The following TEAD4 variants were observed in gnomAD, a reference collection of about 807,000 sequenced individuals.
The protein encoded by TEAD4 is transcriptional enhancer factor TEF-3.
In TEAD4, 36 loss-of-function variants were observed where a neutral mutation model predicts 52.4. The ratio of observed to expected loss-of-function variants is 0.69; its 90% CI spans 0.53 to 0.91. TEAD4 has a LOEUF of 0.91. Among genes scored for constraint, TEAD4 ranks in the 40% least tolerant of loss-of-function variants. The pLI is 0.00. For synonymous variants in TEAD4, 220 were observed against 231.0 expected (o/e 0.95, Z 0.43); for missense variants, 508 against 583.9 (o/e 0.87, Z 1.34).
intron 10 of TEAD4, among the ~76,000 whole-genome samples, chr12:3,037,611 G>T (rs1412549355): frequency 1.3e-5 from 2 of 152,196 alleles, no homozygotes; most frequent in Non-Finnish European, 2.9e-5. Flanking sequence ...GACTGGTAGA[G>T]ATTCAAACCT....
At chr12:2,975,635 A>C (rs1468601697) in intron 2 of TEAD4, among the ~76,000 whole-genome samples, 2 of 151,860 alleles carry the variant, frequency 1.3e-5, no homozygotes, top group Non-Finnish European at 2.9e-5. Flanking sequence ...TGATCTGCCC[A>C]CCTCGGCCTC....
At chr12:2,964,624 ATTTTT>A (rs71057872) in intron 2 of TEAD4, among the ~76,000 whole-genome samples, 1 of 125,430 alleles carries the variant, frequency 8.0e-6, no homozygotes, top group Non-Finnish European at 1.7e-5. Flanking sequence ...CACCTGGCTA[ATTTTT>A]TTTTTTTTTT....
intron 2 of TEAD4, among the ~76,000 whole-genome samples, chr12:2,977,720 C>A (rs754995530): frequency 6.6e-6 from 1 of 152,182 alleles, no homozygotes; most frequent in African/African-American, 2.4e-5. Context: ...GACTCTGAGG[C>A]GTCTTTAACA....
At chr12:2,983,795 A>G (rs1292466124) in intron 2 of TEAD4, among the ~76,000 whole-genome samples, 1 of 152,184 alleles carries the variant, frequency 6.6e-6, no homozygotes, top group Non-Finnish European at 1.5e-5. Context: ...ACACTTAACA[A>G]ATATCCCTTC....
intron 2 of TEAD4, among the ~76,000 whole-genome samples, chr12:2,975,944 T>C (rs914518411): frequency 6.6e-6 from 1 of 152,158 alleles, no homozygotes; most frequent in Non-Finnish European, 1.5e-5. Context: ...ATGTGGCCTT[T>C]TCAGATTGGC....
rs1565535442 is a variant in TEAD4, at chr12:2,997,279, T to C, written c.226+2287T>C. On this transcript the variant is annotated intron_variant, in intron 3 of 12. Transcript: ENST00000359864. The stretch of plus-strand genomic sequence containing the variant: ...CACTGGGAAACTAACCCCTGAAATA[T>C]TTACTGGCCAGAACTCCTGTGAAGT... 2.6e-5 allele frequency among the ~76,000 whole-genome samples: 4 copies of C among 152,186 alleles called. No homozygotes were observed. The South Asian group carries it at 8.3e-4, about 32-fold the overall frequency.
At chr12:2,989,210 G>C (rs560846411) in intron 2 of TEAD4, among the ~76,000 whole-genome samples, 3 of 152,126 alleles carry the variant, frequency 2.0e-5, no homozygotes, top group Non-Finnish European at 1.5e-5. Context: ...CCAAAGTGCT[G>C]AGATTATAGG....
In TEAD4 at chr12:3,007,012, G is replaced by A. The variant is rs2098256473; in HGVS notation, c.227-3992G>A. ...GCTGCACTTCAGCCTGGGCGACAGC[G>A]AGACTCCCTCTCAAAACAAAACAAA... is the stretch of plus-strand genomic sequence containing the variant. On this transcript the variant is annotated intron_variant, in intron 3 of 12. Transcript: ENST00000359864. 3.3e-5 allele frequency among the ~76,000 whole-genome samples: 5 copies of A among 152,322 alleles called. No individual in the cohort carries two copies. The South Asian group carries it at 8.3e-4, about 25-fold the overall frequency.
rs1436724825 is a variant in TEAD4, at chr12:3,040,178, G to T, written c.1110G>T (p.Met370Ile). ...ACCGGTCCCCGCTCTGTGAGTACAT[G>T]ATCAACTTCATCCACAAGCTCAAGC... Residue 370 changes from methionine (M) to isoleucine (I), a missense_variant, in exon 12 of 13, where the codon ATG becomes ATT. Physicochemically the swap from Met to Ile is conservative, Grantham distance 10 (BLOSUM62 1). Coordinates refer to ENST00000359864, the MANE Select transcript of TEAD4 (RefSeq NM_003213.4). 7 of 1,614,090 alleles carry T rather than the reference G, an allele frequency of 4.3e-6. No individual in the cohort carries two copies. Among genetic ancestry groups the T allele is most frequent in the Non-Finnish European group, 5.1e-6 (6 of 1,180,060 alleles).
intron 2 of TEAD4, among the ~76,000 whole-genome samples, chr12:2,975,193 C>G (rs1475129224): frequency 6.9e-6 from 1 of 144,012 alleles, no homozygotes; most frequent in Admixed American, 6.9e-5. Flanking sequence ...CAAAAAAAGA[C>G]TATAATTTTG....
chr12:3,036,065 GGT>G (rs2098279244), intron 10 of TEAD4, among the ~76,000 whole-genome samples: 1 of 152,122 alleles, frequency 6.6e-6, no homozygotes, highest in Admixed American at 6.5e-5. Context: ...CCAGCTCAGG[GGT>G]GGTAGTGGAG....
Position 3,019,202 on chromosome 12 carries a change from C to T in TEAD4, c.583+32C>T, listed in dbSNP as rs558361117. ...GGGCGCTGCGTGGCCCCCTTTCTAT[C>T]GCAGCCATGTGGCTCCTGCCTCTGG... On this transcript the variant is annotated intron_variant, in intron 8 of 12. Transcript: ENST00000359864. 2.3e-5 allele frequency: 37 copies of T among 1,612,002 alleles called. No homozygotes were observed. In the South Asian group the frequency reaches 3.1e-4, roughly 13 times the overall value.
chr12:2,992,066 T>A (rs2098243563), intron 2 of TEAD4, among the ~76,000 whole-genome samples: 1 of 135,020 alleles, frequency 7.4e-6, no homozygotes, highest in South Asian at 2.5e-4. Flanking sequence ...TCGCCCAGGC[T>A]GGAATGTAGT....
At chr12:2,968,383 G>A (rs569002332) in intron 2 of TEAD4, among the ~76,000 whole-genome samples, 14 of 96,482 alleles carry the variant, frequency 1.5e-4, no homozygotes, top group African/African-American at 4.9e-4. Flanking sequence ...ACCGCGCCCG[G>A]CCTTTTTTTT....
At position 3,040,037 on chromosome 12, in the gene TEAD4, G is replaced by A. The variant is rs1278049080; in HGVS notation, c.1039-70G>A. ...CCCAGGCTTTCTGCCTTTCCTTCCC[G>A]TGGAGTTGGGTCTGGGCTGGAGGTG... On this transcript the variant is annotated intron_variant, in intron 11 of 12. Transcript: ENST00000359864. 65 of 1,584,132 alleles carry A rather than the reference G, an allele frequency of 4.1e-5. 1 individual carries two copies. The Middle Eastern group carries it at 8.4e-4, about 21-fold the overall frequency.
In TEAD4 at chr12:3,018,974, C is replaced by T. The variant is rs537293337; in HGVS notation, c.528-141C>T. 125 of 1,008,346 alleles carry T rather than the reference C, an allele frequency of 1.2e-4. No homozygotes were observed. In the South Asian group the frequency reaches 1.6e-3, roughly 13 times the overall value. The allele number at this position is 1,008,346 out of a possible 1,614,324, so 62.5% of individuals were successfully genotyped here. A position where few individuals can be genotyped will look rare whatever the true frequency, so the allele number is the denominator to read the frequency against. On this transcript the variant is annotated intron_variant, in intron 7 of 12. Transcript: ENST00000359864. ...CGAAACCCAGGGGAGTCGGCAGGGG[C>T]GGGAGTAGGAGGCCAAGGCCCATCG...
intron 2 of TEAD4, among the ~76,000 whole-genome samples, chr12:2,963,978 T>C (rs1470873409): frequency 1.3e-5 from 2 of 151,094 alleles, no homozygotes; most frequent in African/African-American, 4.9e-5. Context: ...GGGCAGGAAA[T>C]GGGAACTGTG....
chr12:2,977,021 T>C (rs2098230295), intron 2 of TEAD4, among the ~76,000 whole-genome samples: 1 of 152,186 alleles, frequency 6.6e-6, no homozygotes, highest in African/African-American at 2.4e-5. Context: ...TCATCCCTCC[T>C]GATGACTACA....
rs555272304 is a variant in TEAD4, at chr12:3,021,979, C to A, written c.859C>A (p.Arg287=). ...GGGTGGACTCAAGGATCTCTTCGAA[C>A]GGGGACCCTCCAATGCCTTTTTTCT... is the stretch of plus-strand genomic sequence containing the variant. Residue 287 remains arginine, a synonymous_variant, in exon 10 of 13, where the codon CGG becomes AGG. Coordinates refer to ENST00000359864, the MANE Select transcript of TEAD4 (RefSeq NM_003213.4). 8.7e-6 allele frequency: 14 copies of A among 1,614,118 alleles called. No homozygotes were observed. Among genetic ancestry groups the A allele is most frequent in the South Asian group, 2.2e-5 (2 of 91,092 alleles).
Sources: gnomAD v4.1 joint callset for allele counts (sites outside exome capture counted in the v4.1 genomes callset) on GRCh38, gnomAD v4.1.1 for gene constraint, MANE v1.5 for transcripts, NCBI Gene and HGNC (gene_info 2026-07-23, HGNC 2026-07-21) for gene names.